Variants in NCKAP5 observed in about 807,000 individuals in gnomAD.
The protein encoded by NCKAP5 is NCK associated protein 5.
In NCKAP5, 92 loss-of-function variants were observed where a neutral mutation model predicts 167.0. The observed-to-expected ratio is 0.55, with a 90% CI of 0.47 to 0.66. The LOEUF (loss-of-function observed/expected upper bound fraction) is 0.66. NCKAP5 is among the 30% of genes least tolerant of loss of function. The pLI is 0.00. For missense variants in NCKAP5, 2,378 were observed against 2,315.0 expected, an observed-to-expected ratio of 1.03 and a Z score of -0.56; for synonymous variants, 891 against 877.4, an observed-to-expected ratio of 1.02 and a Z score of -0.27.
Position 132,782,378 on chromosome 2 carries a change from A to G in NCKAP5, c.4433T>C (p.Leu1478Ser), listed in dbSNP as rs1175973061. The change falls in exon 14 of 20, where the codon TTG becomes TCG. Residue 1478 changes from leucine to serine, a missense_variant. Physicochemically the swap from Leu to Ser is moderately radical, Grantham distance 145. Around this residue, in one of 3 missense-constraint regions of NCKAP5, gnomAD observed 1,325 missense variants for 1,274.5 expected, o/e 1.04. Coordinates refer to ENST00000409261, the MANE Select transcript of NCKAP5 (RefSeq NM_207363.3). ...CTTTTCCACATTTTCCTGAATGCAC[A>G]ACATGACCTTTTCTTCGATTGTGGG... ...LSPTIEEKVMLCIQENVEKGQ... is the reference protein window; with the variant it reads ...LSPTIEEKVMSCIQENVEKGQ... The G allele has an allele frequency of 3.1e-6, 5 of 1,614,030 alleles. No individual in the cohort carries two copies. In the East Asian group the frequency reaches 1.1e-4, roughly 36 times the overall value.
intron 3 of NCKAP5, among the ~76,000 whole-genome samples, chr2:133,313,486 G>T (rs963610456): frequency 6.6e-6 from 1 of 152,126 alleles, no homozygotes; most frequent in African/African-American, 2.4e-5. Flanking sequence ...TAGGTAAAAA[G>T]AGTTATACTT....
chr2:133,459,078 C>A (rs1692033899), intron 3 of NCKAP5, among the ~76,000 whole-genome samples: 1 of 152,142 alleles, frequency 6.6e-6, no homozygotes, highest in Non-Finnish European at 1.5e-5. Context: ...GTTCTTTTCT[C>A]TCTGATGCTA....
intron 6 of NCKAP5, among the ~76,000 whole-genome samples, chr2:133,098,382 T>C (rs2081407128): frequency 6.6e-6 from 1 of 152,224 alleles, no homozygotes; most frequent in Non-Finnish European, 1.5e-5. Context: ...ATTACATCCA[T>C]ATTAGGATCG....
intron 7 of NCKAP5, among the ~76,000 whole-genome samples, chr2:132,968,577 T>G (rs1161366582): frequency 6.6e-6 from 1 of 152,128 alleles, no homozygotes; most frequent in Admixed American, 6.5e-5. Context: ...TAAGATACAG[T>G]TTTCAGAAAG....
At chr2:133,204,444 C>A (rs1836218) in intron 5 of NCKAP5, among the ~76,000 whole-genome samples, 76,846 of 151,920 alleles carry the variant, frequency 0.51, 19,737 homozygotes, top group African/African-American at 0.53. Context: ...TGTTGTTTTT[C>A]ACATCCGCCA....
At chr2:133,314,797 A>G (rs1436569167) in intron 3 of NCKAP5, among the ~76,000 whole-genome samples, 1 of 152,192 alleles carries the variant, frequency 6.6e-6, no homozygotes, top group African/African-American at 2.4e-5. Flanking sequence ...GAGGGGCTGA[A>G]GTAGAGGGGT....
chr2:132,675,182 G>A (rs934254373), intron 19 of NCKAP5, among the ~76,000 whole-genome samples: 1 of 152,174 alleles, frequency 6.6e-6, no homozygotes, highest in African/African-American at 2.4e-5. Context: ...TGAAGGCTTT[G>A]GTACTGAAGA....
the NCKAP5 span, among the ~76,000 whole-genome samples, chr2:133,645,853 T>A: frequency 6.6e-6 from 1 of 151,978 alleles, no homozygotes; most frequent in Non-Finnish European, 1.5e-5. Context: ...AATGCAAGGA[T>A]AAATTTACAG....
chr2:133,073,415 G>T (rs2080488317), intron 6 of NCKAP5, among the ~76,000 whole-genome samples: 1 of 152,134 alleles, frequency 6.6e-6, no homozygotes, highest in African/African-American at 2.4e-5. Flanking sequence ...ACCTGAAGCT[G>T]CATAACAAGA....
chr2:133,635,451 C>T, the NCKAP5 span, among the ~76,000 whole-genome samples: 1 of 152,214 alleles, frequency 6.6e-6, no homozygotes, highest in African/African-American at 2.4e-5. Context: ...CACAGTCTTA[C>T]AGCCATCAGT....
At chr2:132,804,171 G>T (rs866623633) in intron 11 of NCKAP5, among the ~76,000 whole-genome samples, 1 of 152,154 alleles carries the variant, frequency 6.6e-6, no homozygotes. Flanking sequence ...TCCCATGGCA[G>T]GCCAGTCAGA....
intron 3 of NCKAP5, among the ~76,000 whole-genome samples, chr2:133,490,300 G>A (rs767752336): frequency 2.0e-5 from 3 of 152,124 alleles, no homozygotes; most frequent in Non-Finnish European, 4.4e-5. Flanking sequence ...TTACGGCGAT[G>A]CTAGTTTTTC....
Position 132,728,947 on chromosome 2 carries a change from CTT to C in NCKAP5, c.5447_5448del (p.Lys1816SerfsTer8). On this transcript the variant is annotated frameshift_variant, in exon 18 of 20. Transcript: ENST00000409261. LOFTEE classifies it high-confidence loss of function. ...SRLPKPASSG[K>X]VSSQKQNEAE... ...GCTTCATTCTGCTTTTGGGAACTGACTTTTCCTAAATGAGGACACGTATGTGG... is the reference window on the plus strand; with the variant it reads ...GCTTCATTCTGCTTTTGGGAACTGACTTCCTAAATGAGGACACGTATGTGG... The C allele has an allele frequency of 6.2e-7, 1 of 1,613,890 alleles. No individual in the cohort carries two copies. Among genetic ancestry groups the C allele is most frequent in the East Asian group, 2.2e-5 (1 of 44,874 alleles).
intron 1 of NCKAP5, among the ~76,000 whole-genome samples, chr2:133,563,564 T>TTAA (rs1688327230): frequency 5.7e-5 from 3 of 53,014 alleles, no homozygotes; most frequent in South Asian, 2.3e-3. Flanking sequence ...AAAGACTCCA[T>TTAA]AAAAAAAAAA....
chr2:133,434,011 G>A (rs1690319150), intron 3 of NCKAP5: 1 of 152,064 alleles, frequency 6.6e-6, no homozygotes, highest in Admixed American at 6.6e-5. Context: ...GTCCAGTTAA[G>A]TTTGGTATTA....
At chr2:133,146,375 C>T (rs907661093) in intron 5 of NCKAP5, among the ~76,000 whole-genome samples, 1 of 151,974 alleles carries the variant, frequency 6.6e-6, no homozygotes, top group Non-Finnish European at 1.5e-5. Flanking sequence ...AACATGTAAA[C>T]GATGACTTTG....
At position 132,817,130 on chromosome 2, in the gene NCKAP5, C is replaced by G. The variant is rs564255379; in HGVS notation, c.808-20401G>C. 1.4e-3 allele frequency among the ~76,000 whole-genome samples: 215 copies of G among 152,300 alleles called. 1 individual carries two copies. The highest frequency in any genetic ancestry group is 4.9e-3 in the African/African-American group (204 of 41,554). On this transcript the variant is annotated intron_variant, in intron 11 of 19. Transcript: ENST00000409261. ...ACTATGCCACATGGCACCAAAGTAC[C>G]ATGTAGCCTGCTGCTGGTCCACTGA... is the stretch of plus-strand genomic sequence containing the variant.
rs1176090485 is a variant in NCKAP5, at chr2:132,783,906, A to G, written c.2905T>C (p.Phe969Leu). ...RVPSETARTP[F>L]KSPLLKGISA... ...ATTCCTTTCAGCAGCGGGGATTTGA[A>G]TGGGGTCCTTGCTGTTTCACTGGGG... Residue 969 changes from phenylalanine (F) to leucine (L), a missense_variant, in exon 14 of 20, where the codon TTC becomes CTC. Coordinates refer to ENST00000409261, the MANE Select transcript of NCKAP5 (RefSeq NM_207363.3). 1.3e-6 allele frequency: 2 copies of G among 1,551,276 alleles called. No homozygotes were observed. Among genetic ancestry groups the G allele is most frequent in the Admixed American group, 2.1e-5 (1 of 47,818 alleles).
At chr2:133,613,646 C>T in the NCKAP5 span, among the ~76,000 whole-genome samples, 9 of 152,180 alleles carry the variant, frequency 5.9e-5, no homozygotes, top group Non-Finnish European at 1.3e-4. Context: ...GGCATCTGTG[C>T]CATTTCTTGA....
Sources: gnomAD v4.1 joint callset for allele counts (sites outside exome capture counted in the v4.1 genomes callset) on GRCh38, gnomAD v4.1.1 for gene constraint, gnomAD v4.1.1 regional missense constraint, MANE v1.5 for transcripts, NCBI Gene and HGNC (gene_info 2026-07-23, HGNC 2026-07-21) for gene names.